RIT2: variants seen among roughly 807,000 people sequenced by gnomAD.
The protein encoded by RIT2 is Ras like without CAAX 2, also known as GTP-binding protein Rit2.
RIT2 carries 24 observed loss-of-function variants against 23.7 expected under a neutral mutation model. The observed-to-expected ratio is 1.01, with a 90% CI of 0.73 to 1.43. The LOEUF (loss-of-function observed/expected upper bound fraction) is 1.43, where lower values mean the gene tolerates loss of function less well. Ranked by LOEUF, RIT2 falls within the 40% of genes most tolerant of loss-of-function variation. RIT2 has a pLI of 0.00. For missense variants in RIT2, 236 were observed against 266.9 expected (o/e 0.88, Z 0.81); for synonymous variants, 107 against 91.1 (o/e 1.17, Z -0.99).
intron 3 of RIT2, among the ~76,000 whole-genome samples, chr18:42,929,151 A>G (rs1909265587): frequency 6.6e-6 from 1 of 150,482 alleles, no homozygotes; most frequent in African/African-American, 2.4e-5. Flanking sequence ...CGTTTAAACA[A>G]CCCAAGCTAC....
intron 3 of RIT2, among the ~76,000 whole-genome samples, chr18:42,942,102 GT>G (rs1753312655): frequency 6.7e-6 from 1 of 149,968 alleles, no homozygotes; most frequent in African/African-American, 2.5e-5. Context: ...AATTGTTCAA[GT>G]AAAAAAAAAA....
At chr18:42,853,630 A>G (rs1263787348) in intron 4 of RIT2, among the ~76,000 whole-genome samples, 1 of 152,214 alleles carries the variant, frequency 6.6e-6, no homozygotes, top group Non-Finnish European at 1.5e-5. Flanking sequence ...AGCTATTATT[A>G]TAATTTTTAT....
At chr18:42,942,620 T>G (rs1324433458) in intron 3 of RIT2, among the ~76,000 whole-genome samples, 1 of 152,052 alleles carries the variant, frequency 6.6e-6, no homozygotes, top group Non-Finnish European at 1.5e-5. Flanking sequence ...GTGCTTGGGC[T>G]TCCTTCCATA....
rs188797740 is a variant in RIT2 at position 42,766,618 on chromosome 18, C to T, written c.427-22898G>A. ...CCATTTTCTGGGGAGAAATTCAAGC[C>T]GGCTGTAGAAATTTGCATAAGTAGG... On this transcript the variant is annotated intron_variant, in intron 4 of 4. Transcript: ENST00000326695. 3.0e-3 allele frequency among the ~76,000 whole-genome samples: 455 copies of T among 152,258 alleles called. 4 individuals are homozygous for T. Among genetic ancestry groups the T allele is most frequent in the African/African-American group, 0.01 (421 of 41,552 alleles).
chr18:42,992,307 T>C (rs2144229492), intron 2 of RIT2, among the ~76,000 whole-genome samples: 2 of 152,292 alleles, frequency 1.3e-5, no homozygotes, highest in Middle Eastern at 6.8e-3. Context: ...AACAGCACTT[T>C]CGTTTTTTCC....
chr18:42,872,756 C>T (rs548255484), intron 4 of RIT2, among the ~76,000 whole-genome samples: 31 of 152,158 alleles, frequency 2.0e-4, no homozygotes, highest in East Asian at 5.8e-4. Flanking sequence ...GTGTGGGCTA[C>T]GGCAAAATTT....
chr18:42,912,176 G>GA (rs1908786591), intron 4 of RIT2, among the ~76,000 whole-genome samples: 2 of 149,766 alleles, frequency 1.3e-5, no homozygotes, highest in African/African-American at 4.9e-5. Context: ...ATAAGCCAAG[G>GA]AAAAAACTTA....
At chr18:43,069,468 A>G (rs1427875716) in intron 1 of RIT2, among the ~76,000 whole-genome samples, 2 of 152,124 alleles carry the variant, frequency 1.3e-5, no homozygotes, top group Non-Finnish European at 2.9e-5. Flanking sequence ...TCTTCTTGTT[A>G]TCTCTATTAA....
intron 3 of RIT2, among the ~76,000 whole-genome samples, chr18:42,924,418 C>G (rs1377205580): frequency 6.6e-6 from 1 of 151,850 alleles, no homozygotes. Context: ...GGATCAGTTT[C>G]TACATTCTGC....
intron 4 of RIT2, among the ~76,000 whole-genome samples, chr18:42,779,438 C>T (rs923096744): frequency 1.3e-5 from 2 of 152,124 alleles, no homozygotes; most frequent in African/African-American, 4.8e-5. Context: ...TCCTACAGTG[C>T]TTTTCAATTA....
chr18:42,882,396 A>G (rs911606159), intron 4 of RIT2, among the ~76,000 whole-genome samples: 3 of 152,218 alleles, frequency 2.0e-5, no homozygotes. Flanking sequence ...TCCTTGTAGC[A>G]GTCTTCGCTA....
chr18:43,095,191 G>T (rs574658435), intron 1 of RIT2, among the ~76,000 whole-genome samples: 1 of 152,012 alleles, frequency 6.6e-6, no homozygotes, highest in Admixed American at 6.6e-5. Flanking sequence ...GTGTAAAAGC[G>T]TTCCTATTTC....
chr18:42,862,407 G>T (rs533236576), intron 4 of RIT2, among the ~76,000 whole-genome samples: 1 of 152,036 alleles, frequency 6.6e-6, no homozygotes, highest in South Asian at 2.1e-4. Flanking sequence ...ACTCACTCTC[G>T]GGTAGTTCTT....
intron 1 of RIT2, among the ~76,000 whole-genome samples, chr18:43,089,369 G>C (rs930167801): frequency 1.3e-5 from 2 of 151,922 alleles, no homozygotes; most frequent in African/African-American, 4.8e-5. Context: ...CAGCTAACCA[G>C]AAAGGTGAAA....
At chr18:42,848,474 A>T (rs1906966800) in intron 4 of RIT2, among the ~76,000 whole-genome samples, 1 of 152,366 alleles carries the variant, frequency 6.6e-6, no homozygotes, top group East Asian at 1.9e-4. Flanking sequence ...TTAGCATGGA[A>T]CAATAATGTA....
At chr18:42,953,419 A>G (rs1352963918) in intron 3 of RIT2, among the ~76,000 whole-genome samples, 1 of 152,174 alleles carries the variant, frequency 6.6e-6, no homozygotes, top group Non-Finnish European at 1.5e-5. Context: ...AGTGAGTGAT[A>G]CAGAGGTAAG....
chr18:42,829,316 T>C (rs562819807), intron 4 of RIT2, among the ~76,000 whole-genome samples: 1 of 152,190 alleles, frequency 6.6e-6, no homozygotes, highest in Non-Finnish European at 1.5e-5. Flanking sequence ...ATTACAAAAG[T>C]AAAAGTAATA....
At chr18:43,112,651 C>A (rs141449101) in intron 1 of RIT2, among the ~76,000 whole-genome samples, 1 of 152,250 alleles carries the variant, frequency 6.6e-6, no homozygotes, top group East Asian at 1.9e-4. Context: ...TGCCTATAAT[C>A]CCAGCACTTT....
At chr18:42,873,654 C>T (rs936747569) in intron 4 of RIT2, among the ~76,000 whole-genome samples, 5 of 151,998 alleles carry the variant, frequency 3.3e-5, no homozygotes, top group South Asian at 2.1e-4. Flanking sequence ...TACATTAACA[C>T]GGAAGAAACA....
Sources: allele counts gnomAD v4.1 joint callset (sites outside exome capture counted in the v4.1 genomes callset), GRCh38; gene constraint gnomAD v4.1.1; transcripts MANE v1.5; gene names NCBI Gene and HGNC (gene_info 2026-07-23, HGNC 2026-07-21).